Variants in KCNN3 observed in about 807,000 individuals in gnomAD.
KCNN3 encodes the protein small conductance calcium-activated potassium channel protein 3.
KCNN3 carries 16 observed loss-of-function variants against 62.9 expected under a neutral mutation model. That is an observed-to-expected ratio of 0.25 (90% CI 0.17 to 0.39). The LOEUF is 0.39. KCNN3 is among the 10% of genes least tolerant of loss of function. The pLI is 1.00. For missense variants in KCNN3, 599 were observed against 949.4 expected, an observed-to-expected ratio of 0.63 and a Z score of 4.85; for synonymous variants, 370 against 389.2, an observed-to-expected ratio of 0.95 and a Z score of 0.58.
intron 5 of KCNN3, among the ~76,000 whole-genome samples, chr1:154,724,153 G>C (rs868402819): frequency 1.7e-4 from 26 of 152,184 alleles, no homozygotes; most frequent in Admixed American, 5.9e-4. Context: ...TGTAATCAAA[G>C]ACCAAACAAT....
chr1:154,726,309 G>A (rs2101783077), intron 4 of KCNN3, among the ~76,000 whole-genome samples: 1 of 152,322 alleles, frequency 6.6e-6, no homozygotes, highest in South Asian at 2.1e-4. Context: ...GATGCTGGGT[G>A]GCGCCGAGGC....
At chr1:154,770,392 A>T (rs549010924) in intron 3 of KCNN3, among the ~76,000 whole-genome samples, 1 of 152,286 alleles carries the variant, frequency 6.6e-6, no homozygotes, top group South Asian at 2.1e-4. Context: ...TAGGTAGGAG[A>T]TACGATTCAA....
At chr1:154,826,781 C>T (rs1651151714) in intron 1 of KCNN3, among the ~76,000 whole-genome samples, 1 of 152,216 alleles carries the variant, frequency 6.6e-6, no homozygotes, top group Admixed American at 6.5e-5. Flanking sequence ...GGTATATCTT[C>T]CCAGAGACTT....
intron 3 of KCNN3, among the ~76,000 whole-genome samples, chr1:154,766,614 T>G (rs1356933904): frequency 6.7e-6 from 1 of 149,278 alleles, no homozygotes; most frequent in Non-Finnish European, 1.5e-5. Flanking sequence ...GCTTGCAGGC[T>G]TCCATCAACC....
rs796385250 is a variant in KCNN3 at position 154,772,759 on chromosome 1, G to T, written c.1030-366C>A. ...ATTTCCAAAGTGATAAGTGTCATTT[G>T]TATGCTAATGAGATGACTAGTGGCT... On this transcript the variant is annotated intron_variant, in intron 2 of 7. Transcript: ENST00000271915. This position sits in a 1 kb window ranked among gnomAD's most constrained non-coding sequence, Gnocchi z 5.6. Among the ~76,000 whole-genome samples, 1 of 152,144 alleles carries T rather than the reference G, an allele frequency of 6.6e-6. No homozygotes were observed. Among genetic ancestry groups the T allele is most frequent in the Non-Finnish European group, 1.5e-5 (1 of 68,022 alleles).
chr1:154,851,818 G>T (rs1403614329), intron 1 of KCNN3, among the ~76,000 whole-genome samples: 2 of 152,180 alleles, frequency 1.3e-5, no homozygotes, highest in Admixed American at 1.3e-4. Flanking sequence ...ACTGCAGTCA[G>T]AGTGGTCCCA....
intron 2 of KCNN3, among the ~76,000 whole-genome samples, chr1:154,801,003 C>T (rs1266357784): frequency 2.0e-5 from 3 of 152,124 alleles, no homozygotes; most frequent in Non-Finnish European, 4.4e-5. Flanking sequence ...CAAGATGGTG[C>T]CACTTCCCTC....
rs1398754600 is a variant in KCNN3 at position 154,869,811 on chromosome 1, G to C, written c.154C>G (p.Gln52Glu). ...TGCAGCGAGGGTCCCAGGGGCTGCT[G>C]GGGGGCTGCTGGTGGCGCTGGCGGT... ...PPPPAPPAAP[Q>E]QPLGPSLQPQ... The change falls in exon 1 of 8, where the codon CAG becomes GAG. Residue 52 changes from glutamine to glutamate, a missense_variant. Around this residue, in one of 7 missense-constraint regions of KCNN3, gnomAD observed 59 missense variants for 62.4 expected, o/e 0.95. Coordinates refer to ENST00000271915, the MANE Select transcript of KCNN3 (RefSeq NM_002249.6). The surrounding 1 kb of genome is among the most constrained non-coding windows in gnomAD (Gnocchi z 6.1). 1.3e-6 allele frequency: 2 copies of C among 1,522,132 alleles called. No homozygotes were observed. Among genetic ancestry groups the C allele is most frequent in the East Asian group, 5.0e-5 (2 of 39,652 alleles). 94.3% of individuals were successfully genotyped at this position (1,522,132 alleles called of 1,614,324 possible). A position where few individuals can be genotyped will look rare whatever the true frequency, so the allele number is the denominator to read the frequency against.
At chr1:154,709,268 A>G (rs967113485) in intron 7 of KCNN3, among the ~76,000 whole-genome samples, 1 of 152,200 alleles carries the variant, frequency 6.6e-6, no homozygotes, top group African/African-American at 2.4e-5. Flanking sequence ...ACTTGGGAAC[A>G]AGATTCACAA....
chr1:154,793,223 T>A (rs562170719), intron 2 of KCNN3, among the ~76,000 whole-genome samples: 1 of 152,314 alleles, frequency 6.6e-6, no homozygotes, highest in Non-Finnish European at 1.5e-5. Flanking sequence ...AATGAAGTAG[T>A]GGGTTGAAGA....
chr1:154,787,870 T>C (rs1174004564), intron 2 of KCNN3, among the ~76,000 whole-genome samples: 1 of 151,980 alleles, frequency 6.6e-6, no homozygotes, highest in East Asian at 1.9e-4. Context: ...TGTCCTCCCA[T>C]AGGCTGACGC....
chr1:154,766,684 G>T (rs1161323864), intron 3 of KCNN3, among the ~76,000 whole-genome samples: 21 of 135,402 alleles, frequency 1.6e-4, no homozygotes, highest in South Asian at 9.5e-4. Flanking sequence ...TTTGGGGTTT[G>T]TTTTTTTTTT....
intron 1 of KCNN3, among the ~76,000 whole-genome samples, chr1:154,857,633 G>A (rs1301864376): frequency 6.6e-6 from 1 of 152,190 alleles, no homozygotes; most frequent in African/African-American, 2.4e-5. Context: ...CAATGTGAGG[G>A]CGTCGGAGAC....
chr1:154,758,479 C>G lies in KCNN3; in HGVS notation c.1448+13496G>C, dbSNP rs570106709. 3.3e-5 allele frequency among the ~76,000 whole-genome samples: 5 copies of G among 152,362 alleles called. No homozygotes were observed. In the South Asian group the frequency reaches 1.0e-3, roughly 32 times the overall value. On this transcript the variant is annotated intron_variant, in intron 3 of 7. Transcript: ENST00000271915. ...TGGGCCCGTTGCAGCATGTCTGGCC[C>G]TGTCTGAGAGGGCCCGCAGGGGCTG...
chr1:154,704,939 T>A lies in KCNN3; in HGVS notation c.*3037A>T, dbSNP rs1405629543. 1.3e-5 allele frequency: 2 copies of A among 152,166 alleles called. No homozygotes were observed. The allele number at this position is 152,166 out of a possible 1,614,324, so 9.4% of individuals were successfully genotyped here. A position where few individuals can be genotyped will look rare whatever the true frequency, so the allele number is the denominator to read the frequency against. On this transcript the variant is annotated 3_prime_UTR_variant, in exon 8 of 8. Transcript: ENST00000271915. Reference sequence around the variant, plus strand: ...ACAGGTGTCCACCACCAAACCCAGCTAATTTTTGTATTTTTAGTAGAGATG... The same window carrying A: ...ACAGGTGTCCACCACCAAACCCAGCAAATTTTTGTATTTTTAGTAGAGATG...
intron 2 of KCNN3, among the ~76,000 whole-genome samples, chr1:154,798,860 T>C (rs969883521): frequency 2.6e-5 from 4 of 151,580 alleles, no homozygotes; most frequent in African/African-American, 9.7e-5. Flanking sequence ...GTGGGCAGAC[T>C]GGTGAGACCA....
At chr1:154,790,700 T>C (rs963331014) in intron 2 of KCNN3, among the ~76,000 whole-genome samples, 1 of 152,208 alleles carries the variant, frequency 6.6e-6, no homozygotes, top group African/African-American at 2.4e-5. Context: ...GTGTGTTGCT[T>C]TCACACCATC....
At chr1:154,734,487 C>T (rs1261873628) in intron 3 of KCNN3, among the ~76,000 whole-genome samples, 1 of 152,230 alleles carries the variant, frequency 6.6e-6, no homozygotes, top group African/African-American at 2.4e-5. Context: ...AGGAAGCCCC[C>T]TGGAAGGATT....
chr1:154,828,432 C>T lies in KCNN3; in HGVS notation c.934-6248G>A, dbSNP rs763894790. On this transcript the variant is annotated intron_variant, in intron 1 of 7. Transcript: ENST00000271915. ...GAAACGGTCAGCCACAAAACCCACT[C>T]ACACCATCTTCTCCTCAAACACAAC... Among the ~76,000 whole-genome samples the T allele has an allele frequency of 2.5e-4, 38 of 152,076 alleles. 1 individual carries two copies. The highest frequency in any genetic ancestry group is 8.3e-4 in the South Asian group (4 of 4,812).
Sources: gnomAD v4.1 joint callset for allele counts (sites outside exome capture counted in the v4.1 genomes callset) on GRCh38, gnomAD v4.1.1 for gene constraint, gnomAD v4.1.1 regional missense constraint, Gnocchi (gnomAD v3.1) non-coding constraint, MANE v1.5 for transcripts, NCBI Gene and HGNC (gene_info 2026-07-23, HGNC 2026-07-21) for gene names.